The following LARGE1 variants were observed in gnomAD, a reference collection of about 807,000 sequenced individuals.
LARGE1 encodes the protein xylosyl- and glucuronyltransferase LARGE1.
Under a neutral mutation model 87.6 loss-of-function variants are expected in LARGE1, and 43 were observed. The ratio of observed to expected loss-of-function variants is 0.49; its 90% CI spans 0.38 to 0.63. The LOEUF (loss-of-function observed/expected upper bound fraction) is 0.63, where lower values mean the gene tolerates loss of function less well. Ranked by LOEUF, LARGE1 falls within the 30% of genes least tolerant of loss-of-function variation. The pLI is 0.00. For missense variants in LARGE1, 802 were observed against 1,000.2 expected, an observed-to-expected ratio of 0.80 and a Z score of 2.67; for synonymous variants, 434 against 394.6, an observed-to-expected ratio of 1.10 and a Z score of -1.18.
chr22:33,912,119 A>T (rs1488136488), intron 1 of LARGE1, among the ~76,000 whole-genome samples: 1 of 152,146 alleles, frequency 6.6e-6, no homozygotes, highest in Non-Finnish European at 1.5e-5. Context: ...ACAACCACAA[A>T]ATGCCATTTC....
intron 6 of LARGE1, among the ~76,000 whole-genome samples, chr22:33,481,696 A>G (rs190550695): frequency 5.9e-5 from 9 of 152,216 alleles, no homozygotes; most frequent in Non-Finnish European, 7.4e-5. Flanking sequence ...TCCCCGGGTA[A>G]ACCTTGCCCG....
At chr22:33,821,272 C>T (rs773468733) in intron 1 of LARGE1, among the ~76,000 whole-genome samples, 6 of 151,976 alleles carry the variant, frequency 3.9e-5, no homozygotes, top group Non-Finnish European at 5.9e-5. Flanking sequence ...ATGTCTTCAT[C>T]GTTACGAAGT....
intron 7 of LARGE1, among the ~76,000 whole-genome samples, chr22:33,402,657 C>G (rs576405604): frequency 6.6e-6 from 1 of 152,120 alleles, no homozygotes; most frequent in Admixed American, 6.5e-5. Context: ...AATAAGATAA[C>G]GAAATACTCA....
At chr22:33,864,251 A>C (rs181881681) in intron 1 of LARGE1, among the ~76,000 whole-genome samples, 1 of 152,184 alleles carries the variant, frequency 6.6e-6, no homozygotes. Context: ...AGCCCCCATC[A>C]GTGCCTACCA....
intron 11 of LARGE1, among the ~76,000 whole-genome samples, chr22:33,242,995 A>G (rs1252288504): frequency 6.6e-5 from 10 of 152,134 alleles, no homozygotes; most frequent in African/African-American, 2.4e-4. Flanking sequence ...CCCTTTCTAT[A>G]AGGACATCAG....
chr22:33,107,134 TAC>T, the LARGE1 span, among the ~76,000 whole-genome samples: 1 of 152,348 alleles, frequency 6.6e-6, no homozygotes, highest in East Asian at 1.9e-4. Context: ...ATTTCAATGA[TAC>T]TCTCTCTCTC....
intron 6 of LARGE1, among the ~76,000 whole-genome samples, chr22:33,524,226 G>C (rs923523978): frequency 3.3e-5 from 5 of 151,464 alleles, no homozygotes; most frequent in African/African-American, 1.2e-4. Context: ...AGGAGGCAGA[G>C]GTTGCAGTGA....
intron 2 of LARGE1, among the ~76,000 whole-genome samples, chr22:33,657,470 G>A (rs938045519): frequency 1.3e-5 from 2 of 152,006 alleles, no homozygotes; most frequent in African/African-American, 2.4e-5. Flanking sequence ...GCTTTACTTC[G>A]CAGGCTATGC....
chr22:33,905,126 C>A (rs925584017), intron 1 of LARGE1, among the ~76,000 whole-genome samples: 1 of 135,926 alleles, frequency 7.4e-6, no homozygotes, highest in Non-Finnish European at 1.5e-5. Context: ...AGTGCAATGG[C>A]GTGACCAGGG....
At chr22:33,502,165 C>T (rs2070473044) in intron 6 of LARGE1, among the ~76,000 whole-genome samples, 1 of 150,646 alleles carries the variant, frequency 6.6e-6, no homozygotes, top group South Asian at 2.1e-4. Context: ...CACTGCACTC[C>T]AGCCTGGATG....
chr22:33,846,214 T>A (rs575646672), intron 1 of LARGE1, among the ~76,000 whole-genome samples: 2 of 152,346 alleles, frequency 1.3e-5, no homozygotes, highest in Non-Finnish European at 1.5e-5. Context: ...GGCAGAAGAA[T>A]GTGGATTGTG....
intron 2 of LARGE1, among the ~76,000 whole-genome samples, chr22:33,679,833 ACT>A (rs1603114942): frequency 6.6e-6 from 1 of 151,774 alleles, no homozygotes. Flanking sequence ...CAAGAGCGAA[ACT>A]CTGTCTCAAA....
intron 7 of LARGE1, among the ~76,000 whole-genome samples, chr22:33,391,554 G>C (rs182151692): frequency 2.0e-5 from 3 of 152,190 alleles, no homozygotes; most frequent in Admixed American, 2.0e-4. Context: ...CTAGGACAGT[G>C]ATTTCAAAGG....
chr22:33,098,524 G>C, the LARGE1 span, among the ~76,000 whole-genome samples: 5 of 152,254 alleles, frequency 3.3e-5, no homozygotes, highest in South Asian at 1.0e-3. Flanking sequence ...GGGAGGCTGA[G>C]GCAGGAGAAT....
intron 5 of LARGE1, among the ~76,000 whole-genome samples, chr22:33,584,383 C>T (rs897842251): frequency 5.3e-5 from 8 of 152,184 alleles, no homozygotes; most frequent in Admixed American, 3.3e-4. Flanking sequence ...CCCCAAGGCT[C>T]GGCTCAGGGT....
intron 11 of LARGE1, among the ~76,000 whole-genome samples, chr22:33,244,002 G>A (rs989093202): frequency 6.6e-6 from 1 of 151,914 alleles, no homozygotes; most frequent in African/African-American, 2.4e-5. Context: ...GTTTTGTTTT[G>A]TTTTGAGGCG....
At chr22:33,559,429 C>A (rs1020329963) in intron 6 of LARGE1, among the ~76,000 whole-genome samples, 2 of 152,134 alleles carry the variant, frequency 1.3e-5, no homozygotes, top group Non-Finnish European at 2.9e-5. Flanking sequence ...TGATCCACCC[C>A]CCTCGGCCTC....
chr22:33,156,771 G>T, the LARGE1 span, among the ~76,000 whole-genome samples: 3 of 152,242 alleles, frequency 2.0e-5, no homozygotes, highest in Admixed American at 2.0e-4. Flanking sequence ...GGGGTAGAAT[G>T]ATATGGTTTG....
intron 1 of LARGE1, among the ~76,000 whole-genome samples, chr22:33,781,745 G>A (rs889449498): frequency 3.3e-5 from 5 of 152,258 alleles, no homozygotes; most frequent in Middle Eastern, 3.4e-3. Flanking sequence ...AGTAATTTAC[G>A]TAAGTGACCG....
Sources: allele counts gnomAD v4.1 joint callset (sites outside exome capture counted in the v4.1 genomes callset), GRCh38; gene constraint gnomAD v4.1.1; transcripts MANE v1.5; gene names NCBI Gene and HGNC (gene_info 2026-07-23, HGNC 2026-07-21).